SYT2: variants seen among roughly 807,000 people sequenced by gnomAD.
SYT2 encodes the protein synaptotagmin-2.
SYT2 carries 15 observed loss-of-function variants against 39.9 expected under a neutral mutation model. The ratio of observed to expected loss-of-function variants is 0.38; its 90% confidence interval spans 0.25 to 0.58. The LOEUF (loss-of-function observed/expected upper bound fraction) is 0.58, where lower values mean the gene tolerates loss of function less well. Among genes scored for constraint, SYT2 ranks in the 20% least tolerant of loss-of-function variants. SYT2 has a pLI of 0.70. For synonymous variants in SYT2, 181 were observed against 204.5 expected (o/e 0.89, Z 0.98); for missense variants, 389 against 530.3 (o/e 0.73, Z 2.62).
At chr1:202,608,229 G>C (rs1441577113) in intron 1 of SYT2, among the ~76,000 whole-genome samples, 1 of 151,662 alleles carries the variant, frequency 6.6e-6, no homozygotes, top group South Asian at 2.1e-4. Flanking sequence ...GCATGTATCA[G>C]TATTTCATTC....
At chr1:202,647,562 C>A (rs1203977447) in intron 1 of SYT2, among the ~76,000 whole-genome samples, 3 of 152,232 alleles carry the variant, frequency 2.0e-5, no homozygotes, top group South Asian at 4.1e-4. Flanking sequence ...GGAAACCTCA[C>A]CCCTGCCCCC....
At chr1:202,638,231 T>A (rs368316157) in intron 1 of SYT2, among the ~76,000 whole-genome samples, 1 of 152,192 alleles carries the variant, frequency 6.6e-6, no homozygotes, top group African/African-American at 2.4e-5. Flanking sequence ...GGAAAGGCTG[T>A]GGGCTTTGCC....
chr1:202,633,350 C>G (rs1691648478), intron 1 of SYT2, among the ~76,000 whole-genome samples: 1 of 152,132 alleles, frequency 6.6e-6, no homozygotes, highest in Non-Finnish European at 1.5e-5. Flanking sequence ...GAGCAGGACT[C>G]AAGAGAAGGA....
intron 1 of SYT2, among the ~76,000 whole-genome samples, chr1:202,681,934 T>C (rs1413997659): frequency 6.6e-6 from 1 of 152,174 alleles, no homozygotes; most frequent in Admixed American, 6.5e-5. Flanking sequence ...CGTGACCTCA[T>C]CAGCTACCCC....
chr1:202,642,698 C>G (rs548526618), intron 1 of SYT2, among the ~76,000 whole-genome samples: 1 of 152,308 alleles, frequency 6.6e-6, no homozygotes, highest in East Asian at 1.9e-4. Context: ...TCCTGCAAAC[C>G]GCCCGTGCCT....
In SYT2 at chr1:202,694,521, G is replaced by A. The variant is rs562330711; in HGVS notation, c.-18+15737C>T. Among the ~76,000 whole-genome samples the A allele has an allele frequency of 2.8e-4, 43 of 151,956 alleles. No individual in the cohort carries two copies. The Middle Eastern group carries it at 0.01, about 36-fold the overall frequency. On this transcript the variant is annotated intron_variant, in intron 1 of 8. Transcript: ENST00000367268. ...GGGACACCTGCCTGCCCTATTGCAGGCTTGACTATCATAACTTAAGTCTCC... is the reference window on the plus strand; with the variant it reads ...GGGACACCTGCCTGCCCTATTGCAGACTTGACTATCATAACTTAAGTCTCC...
chr1:202,643,711 G>A (rs918839391), intron 1 of SYT2, among the ~76,000 whole-genome samples: 1 of 152,210 alleles, frequency 6.6e-6, no homozygotes, highest in African/African-American at 2.4e-5. Flanking sequence ...GGGGAGGTGT[G>A]TGCGGGAGGG....
Position 202,594,875 on chromosome 1 carries a change from C to T in SYT2, c.*1882G>A, listed in dbSNP as rs771854582. The stretch of plus-strand genomic sequence containing the variant: ...AAAAACAAAGCAAAACCAAAAGCCC[C>T]TTCCCCCTTTTTAAAATAAAATAAA... On this transcript the variant is annotated 3_prime_UTR_variant, in exon 9 of 9. Transcript: ENST00000367268. The T allele has an allele frequency of 6.6e-6, 1 of 152,240 alleles. No individual in the cohort carries two copies. The highest frequency in any genetic ancestry group is 1.5e-5 in the Non-Finnish European group (1 of 68,068). 9.4% of individuals were successfully genotyped at this position (152,240 alleles called of 1,614,324 possible). A position where few individuals can be genotyped will look rare whatever the true frequency, so the allele number is the denominator to read the frequency against.
intron 6 of SYT2, 93 bp from the exon 7 acceptor site, chr1:202,600,567 T>G: frequency 8.2e-6 from 9 of 1,098,454 alleles, no homozygotes; most frequent in Non-Finnish European, 1.2e-5. Flanking sequence ...AGCAAGGCAG[T>G]GATGTGTCCC....
At chr1:202,647,537 G>A (rs1692111764) in intron 1 of SYT2, among the ~76,000 whole-genome samples, 1 of 152,108 alleles carries the variant, frequency 6.6e-6, no homozygotes, top group African/African-American at 2.4e-5. Flanking sequence ...TGGGCAGTGT[G>A]GAGGCAGCCT....
chr1:202,604,767 G>T, intron 2 of SYT2, 146 bp from the exon 3 acceptor site: 12 of 520,446 alleles, frequency 2.3e-5, no homozygotes, highest in East Asian at 4.6e-5. Context: ...ACCCATGAGT[G>T]ATTTGTATGT....
rs68013997 is a variant in SYT2 at position 202,650,435 on chromosome 1, C to CTTTTTTTTTTTTTT, written c.-17-44647_-17-44646insAAAAAAAAAAAAAA. On this transcript the variant is annotated intron_variant, in intron 1 of 8. Coordinates refer to ENST00000367268, the MANE Select transcript of SYT2 (RefSeq NM_177402.5). ...GTCTGCCAAACATTTGTTTCATATG[C>CTTTTTTTTTTTTTT]TTTTGTTTTTTTTTTTTTGAGACAT... is the stretch of plus-strand genomic sequence containing the variant. Among the ~76,000 whole-genome samples the CTTTTTTTTTTTTTT allele has an allele frequency of 5.6e-5, 8 of 143,264 alleles. 2 individuals are homozygous for CTTTTTTTTTTTTTT. The highest frequency in any genetic ancestry group is 5.1e-5 in the African/African-American group (2 of 39,108). 94.0% of individuals were successfully genotyped at this position (143,264 alleles called of 152,430 possible). A position where few individuals can be genotyped will look rare whatever the true frequency, so the allele number is the denominator to read the frequency against.
In SYT2 at chr1:202,614,162, A is replaced by G. The variant is rs1235944039; in HGVS notation, c.-17-8373T>C. On this transcript the variant is annotated intron_variant, in intron 1 of 8. Coordinates refer to ENST00000367268, the MANE Select transcript of SYT2 (RefSeq NM_177402.5). The surrounding 1 kb of genome is among the most constrained non-coding windows in gnomAD (Gnocchi z 4.0). ...AGCAAAGTAAAGCTGCTTGGTGTCA[A>G]ATAAACCAGCCAGGAATGAAGACGC... Among the ~76,000 whole-genome samples the G allele has an allele frequency of 6.6e-6, 1 of 152,212 alleles. No individual in the cohort carries two copies. The highest frequency in any genetic ancestry group is 1.5e-5 in the Non-Finnish European group (1 of 68,038).
At chr1:202,697,648 G>C (rs577894149) in intron 1 of SYT2, among the ~76,000 whole-genome samples, 1 of 152,208 alleles carries the variant, frequency 6.6e-6, no homozygotes, top group South Asian at 2.1e-4. Context: ...AGGGTCCCAG[G>C]GGTCTCGATC....
intron 1 of SYT2, among the ~76,000 whole-genome samples, chr1:202,672,293 G>A (rs369588212): frequency 2.0e-5 from 3 of 152,238 alleles, no homozygotes; most frequent in African/African-American, 7.2e-5. Context: ...GTATTTGGAA[G>A]TGGGACCTTT....
At chr1:202,637,167 C>A (rs1037234906) in intron 1 of SYT2, among the ~76,000 whole-genome samples, 1 of 152,064 alleles carries the variant, frequency 6.6e-6, no homozygotes, top group Non-Finnish European at 1.5e-5. Flanking sequence ...ACCAAAACAA[C>A]AACAACAACA....
chr1:202,610,418 A>C lies in SYT2; in HGVS notation c.-17-4629T>G, dbSNP rs1174959148. Among the ~76,000 whole-genome samples, 8 of 152,368 alleles carry C rather than the reference A, an allele frequency of 5.3e-5. No homozygotes were observed. In the East Asian group the frequency reaches 1.3e-3, roughly 26 times the overall value. On this transcript the variant is annotated intron_variant, in intron 1 of 8. Coordinates refer to ENST00000367268, the MANE Select transcript of SYT2 (RefSeq NM_177402.5). ...TTCCCTTTGAAAACTGGCACAAGAC[A>C]GGGATGCCCCCTCTCACCACTCCTA...
chr1:202,699,840 A>G (rs903033195), intron 1 of SYT2, among the ~76,000 whole-genome samples: 3 of 151,954 alleles, frequency 2.0e-5, no homozygotes, highest in African/African-American at 7.3e-5. Flanking sequence ...ATGGTCTCGT[A>G]TGTCGGTTTT....
intron 1 of SYT2, among the ~76,000 whole-genome samples, chr1:202,706,092 C>A (rs1047006393): frequency 1.3e-5 from 2 of 152,140 alleles, no homozygotes; most frequent in Non-Finnish European, 2.9e-5. Context: ...CAGTGACTCT[C>A]AGGTCCCTCT....
Sources: allele counts gnomAD v4.1 joint callset (sites outside exome capture counted in the v4.1 genomes callset), GRCh38; gene constraint gnomAD v4.1.1; non-coding constraint Gnocchi (gnomAD v3.1); transcripts MANE v1.5; gene names NCBI Gene and HGNC (gene_info 2026-07-23, HGNC 2026-07-21).